The following ATF7IP variants were observed in gnomAD, a reference collection of about 807,000 sequenced individuals.
The protein encoded by ATF7IP is activating transcription factor 7-interacting protein 1.
ATF7IP carries 23 observed loss-of-function variants against 106.4 expected under a neutral mutation model. The observed-to-expected ratio is 0.22, with a 90% CI of 0.16 to 0.31. The LOEUF is 0.31. Among genes scored for constraint, ATF7IP ranks in the 10% least tolerant of loss-of-function variants. ATF7IP has a pLI of 1.00. For missense variants in ATF7IP, 1,334 were observed against 1,524.3 expected, an observed-to-expected ratio of 0.88 and a Z score of 2.08; for synonymous variants, 542 against 539.0, an observed-to-expected ratio of 1.01 and a Z score of -0.08.
chr12:14,391,585 T>C (rs1939555333), intron 1 of ATF7IP, among the ~76,000 whole-genome samples: 1 of 152,240 alleles, frequency 6.6e-6, no homozygotes, highest in African/African-American at 2.4e-5. Flanking sequence ...AACACCAACT[T>C]TGAGTCAAAC....
Position 14,427,432 on chromosome 12 carries a change from G to T in ATF7IP, c.1558+1959G>T, listed in dbSNP as rs192293306. Among the ~76,000 whole-genome samples the T allele has an allele frequency of 4.2e-3, 632 of 151,458 alleles. 2 individuals are homozygous for T. The highest frequency in any genetic ancestry group is 0.015 in the African/African-American group (607 of 41,262). ...GGCTGGAGTGCAGTGGCACGATCTT[G>T]GCTCACTGCAACCTCCGCCTCCCGG... On this transcript the variant is annotated intron_variant, in intron 2 of 14. Transcript: ENST00000261168.
intron 6 of ATF7IP, among the ~76,000 whole-genome samples, chr12:14,452,945 C>G (rs1943263111): frequency 6.6e-6 from 1 of 152,102 alleles, no homozygotes; most frequent in Non-Finnish European, 1.5e-5. Context: ...TTTAATTTCA[C>G]CTTCATTTTT....
chr12:14,499,995 A>C lies in ATF7IP; in HGVS notation c.*1922A>C, dbSNP rs1461787511. 2 of 152,288 alleles carry C rather than the reference A, an allele frequency of 1.3e-5. No individual in the cohort carries two copies. Among genetic ancestry groups the C allele is most frequent in the African/African-American group, 4.8e-5 (2 of 41,562 alleles). 9.4% of individuals were successfully genotyped at this position (152,288 alleles called of 1,614,324 possible). On this transcript the variant is annotated 3_prime_UTR_variant, in exon 15 of 15. Coordinates refer to ENST00000261168, the MANE Select transcript of ATF7IP (RefSeq NM_018179.5). ...GGTGTCAGGTAGGTGTTTTGGGTGT[A>C]GATAATTTAGGACTGGAGGGCTGAG...
intron 2 of ATF7IP, among the ~76,000 whole-genome samples, chr12:14,431,359 A>G (rs80308243): frequency 0.015 from 2,349 of 151,908 alleles, 24 homozygotes; most frequent in Non-Finnish European, 0.019. Context: ...TATAACAGAA[A>G]CTTATCTGTA....
intron 5 of ATF7IP, among the ~76,000 whole-genome samples, chr12:14,444,365 G>C (rs555613799): frequency 6.6e-5 from 10 of 152,202 alleles, no homozygotes; most frequent in African/African-American, 1.9e-4. Context: ...GGCCAACCTT[G>C]ATGTTAAGGA....
intron 11 of ATF7IP, among the ~76,000 whole-genome samples, chr12:14,476,801 A>G (rs1321027144): frequency 6.6e-6 from 1 of 152,188 alleles, no homozygotes; most frequent in Admixed American, 6.5e-5. Context: ...GTAATTTCTA[A>G]AAACGTTCAC....
intron 1 of ATF7IP, among the ~76,000 whole-genome samples, chr12:14,391,920 C>T (rs375653999): frequency 6.6e-6 from 1 of 151,874 alleles, no homozygotes; most frequent in Admixed American, 6.6e-5. Context: ...GGGGTTTCAC[C>T]ATGTTGGCCA....
intron 1 of ATF7IP, among the ~76,000 whole-genome samples, chr12:14,398,863 CCTT>C (rs1234508861): frequency 4.6e-5 from 7 of 151,868 alleles, no homozygotes; most frequent in South Asian, 2.1e-4. Flanking sequence ...CATTTTCTAT[CCTT>C]CTGTTTCAAC....
chr12:14,427,365 C>CTTT (rs879724150), intron 2 of ATF7IP, among the ~76,000 whole-genome samples: 1 of 145,080 alleles, frequency 6.9e-6, no homozygotes. Flanking sequence ...GAGTCTAATT[C>CTTT]TTTTTTTTTT....
At chr12:14,367,063 TTG>T (rs761931782) in intron 1 of ATF7IP, among the ~76,000 whole-genome samples, 14 of 152,306 alleles carry the variant, frequency 9.2e-5, no homozygotes, top group Middle Eastern at 3.4e-3. Flanking sequence ...GATTCTCCCG[TTG>T]TGCAAATTCT....
At chr12:14,409,121 A>G (rs1591807849) in intron 1 of ATF7IP, among the ~76,000 whole-genome samples, 1 of 152,070 alleles carries the variant, frequency 6.6e-6, no homozygotes. Context: ...TGAAAGAAGT[A>G]ATAATTTTAT....
chr12:14,401,837 C>CCGA (rs1940229818), intron 1 of ATF7IP, among the ~76,000 whole-genome samples: 1 of 151,220 alleles, frequency 6.6e-6, no homozygotes, highest in African/African-American at 2.4e-5. Flanking sequence ...CCTCAGCCTC[C>CCGA]CGAGTAGCTG....
chr12:14,415,691 GT>G (rs71067794), intron 1 of ATF7IP, among the ~76,000 whole-genome samples: 4 of 144,794 alleles, frequency 2.8e-5, no homozygotes, highest in African/African-American at 2.5e-5. Context: ...ACCACTTACT[GT>G]TTTTTTTTTT....
rs1044527135 is a variant in ATF7IP at position 14,424,919 on chromosome 12, T to C, written c.1004T>C (p.Leu335Ser). 4 of 1,605,322 alleles carry C rather than the reference T, an allele frequency of 2.5e-6. No individual in the cohort carries two copies. Among genetic ancestry groups the C allele is most frequent in the East Asian group, 2.2e-5 (1 of 44,858 alleles). The part of the protein sequence containing the change: ...KLEQIQSKDS[L>S]DEKNKADNNI... The stretch of plus-strand genomic sequence containing the variant: ...GAGCAAATTCAGAGTAAAGACTCAT[T>C]GGATGAGAAAAATAAAGCTGATAAT... The change falls in exon 2 of 15, where the codon TTG becomes TCG. Residue 335 changes from leucine (L) to serine (S), a missense_variant. By Grantham distance (145) the Leu-to-Ser change is moderately radical. This residue lies in a region of ATF7IP where 438 missense variants were observed against 405.3 expected (regional missense o/e 1.08). Transcript: ENST00000261168.
At chr12:14,445,992 T>A (rs1037467161) in intron 5 of ATF7IP, among the ~76,000 whole-genome samples, 1 of 152,172 alleles carries the variant, frequency 6.6e-6, no homozygotes, top group Non-Finnish European at 1.5e-5. Flanking sequence ...AATGATAATT[T>A]TTATTTTTCT....
At chr12:14,433,275 G>C (rs978964097) in intron 2 of ATF7IP, among the ~76,000 whole-genome samples, 3 of 152,066 alleles carry the variant, frequency 2.0e-5, no homozygotes, top group Non-Finnish European at 4.4e-5. Flanking sequence ...GGGAGGCTGA[G>C]GGGGGTGGAT....
intron 8 of ATF7IP, among the ~76,000 whole-genome samples, chr12:14,457,734 T>G (rs190618497): frequency 6.6e-6 from 1 of 152,338 alleles, no homozygotes; most frequent in Admixed American, 6.5e-5. Context: ...TTGATATTTA[T>G]TATCAGTCGA....
chr12:14,399,406 T>C (rs1940057037), intron 1 of ATF7IP, among the ~76,000 whole-genome samples: 1 of 152,126 alleles, frequency 6.6e-6, no homozygotes, highest in South Asian at 2.1e-4. Context: ...TTCTCTTCTG[T>C]AGTTAAATGA....
At chr12:14,441,483 A>G (rs906400522) in intron 5 of ATF7IP, among the ~76,000 whole-genome samples, 2 of 146,858 alleles carry the variant, frequency 1.4e-5, no homozygotes, top group African/African-American at 2.5e-5. Context: ...CTGGATACCA[A>G]AGTCTTTTTT....
Sources: allele counts gnomAD v4.1 joint callset (sites outside exome capture counted in the v4.1 genomes callset), GRCh38; gene constraint gnomAD v4.1.1; regional missense constraint gnomAD v4.1.1; transcripts MANE v1.5; gene names NCBI Gene and HGNC (gene_info 2026-07-23, HGNC 2026-07-21).